FGF12: variants seen among roughly 807,000 people sequenced by gnomAD.
FGF12 encodes the protein fibroblast growth factor 12, also known as fibroblast growth factor 12B.
Under a neutral mutation model 23.6 loss-of-function variants are expected in FGF12, and 14 were observed. The observed-to-expected ratio is 0.59, with a 90% CI of 0.39 to 0.93. The LOEUF (loss-of-function observed/expected upper bound fraction) is 0.93, where lower values mean the gene tolerates loss of function less well. Ranked by LOEUF, FGF12 falls within the 40% of genes least tolerant of loss-of-function variation. The probability of loss-of-function intolerance (pLI) is 0.00; values close to 1 mark genes in which losing one functional copy is unlikely to be tolerated. For missense variants in FGF12, 175 were observed against 217.8 expected, an observed-to-expected ratio of 0.80 and a Z score of 1.24; for synonymous variants, 62 against 77.3, an observed-to-expected ratio of 0.80 and a Z score of 1.04.
chr3:192,513,018 A>G (rs1724538490), intron 2 of FGF12, among the ~76,000 whole-genome samples: 1 of 151,480 alleles, frequency 6.6e-6, no homozygotes, highest in Non-Finnish European at 1.5e-5. Context: ...ATTTGGATCT[A>G]TCGCTATTTA....
intron 2 of FGF12, among the ~76,000 whole-genome samples, chr3:192,375,439 A>C (rs1379113653): frequency 6.6e-6 from 1 of 152,190 alleles, no homozygotes; most frequent in Non-Finnish European, 1.5e-5. Flanking sequence ...CATATCTAAC[A>C]TAAAGGTGTA....
intron 4 of FGF12, among the ~76,000 whole-genome samples, chr3:192,316,442 C>T (rs372804681): frequency 6.6e-6 from 1 of 152,150 alleles, no homozygotes; most frequent in Non-Finnish European, 1.5e-5. Context: ...GGAGACAGAA[C>T]CTGTGTGTTT....
rs1713321168 is a variant in FGF12 at position 192,140,705 on chromosome 3, G to A, written c.*3304C>T. On this transcript the variant is annotated 3_prime_UTR_variant, in exon 6 of 6. Transcript: ENST00000445105. ...AAACAAGCTTTCTGAATTAGAATGAGGCCCATAAAGCATCACATTGCATTA... is the reference window on the plus strand; with the variant it reads ...AAACAAGCTTTCTGAATTAGAATGAAGCCCATAAAGCATCACATTGCATTA... 1 of 151,884 alleles carries A rather than the reference G, an allele frequency of 6.6e-6. No homozygotes were observed. The highest frequency in any genetic ancestry group is 6.6e-5 in the Admixed American group (1 of 15,252). 9.4% of individuals were successfully genotyped at this position (151,884 alleles called of 1,614,324 possible).
chr3:192,648,350 C>T (rs746432554), intron 2 of FGF12, among the ~76,000 whole-genome samples: 7 of 151,892 alleles, frequency 4.6e-5, no homozygotes, highest in Non-Finnish European at 8.8e-5. Flanking sequence ...TGATTTTTGT[C>T]ATTGTTTTTT....
chr3:192,511,079 AG>A (rs927156673), intron 2 of FGF12, among the ~76,000 whole-genome samples: 11 of 152,248 alleles, frequency 7.2e-5, no homozygotes, highest in East Asian at 3.9e-4. Flanking sequence ...CTCAGTCTCT[AG>A]GCATCTGATA....
At chr3:192,263,757 A>T (rs1157294049) in intron 4 of FGF12, among the ~76,000 whole-genome samples, 1 of 152,084 alleles carries the variant, frequency 6.6e-6, no homozygotes, top group East Asian at 1.9e-4. Flanking sequence ...ATTAAATCAG[A>T]GGAAATAAAC....
intron 2 of FGF12, among the ~76,000 whole-genome samples, chr3:192,444,802 C>A (rs1347338232): frequency 1.3e-5 from 2 of 152,228 alleles, no homozygotes; most frequent in African/African-American, 4.8e-5. Flanking sequence ...ATGGCTTGAA[C>A]ACCTTCCAGT....
chr3:192,242,517 A>T (rs1344115232), intron 4 of FGF12, among the ~76,000 whole-genome samples: 1 of 152,192 alleles, frequency 6.6e-6, no homozygotes, highest in Admixed American at 6.5e-5. Flanking sequence ...CAAACACCCA[A>T]TATAAGAAAT....
chr3:192,387,200 C>A (rs976636051), intron 2 of FGF12, among the ~76,000 whole-genome samples: 1 of 152,170 alleles, frequency 6.6e-6, no homozygotes, highest in Admixed American at 6.5e-5. Flanking sequence ...CATCTGGGAA[C>A]ACCCTACTGA....
At chr3:192,295,209 T>C (rs1714964746) in intron 4 of FGF12, among the ~76,000 whole-genome samples, 1 of 152,210 alleles carries the variant, frequency 6.6e-6, no homozygotes, top group South Asian at 2.1e-4. Context: ...TGGCAATACA[T>C]TGTACTTTTT....
intron 2 of FGF12, among the ~76,000 whole-genome samples, chr3:192,569,421 CTA>C (rs1178519295): frequency 6.6e-6 from 1 of 152,188 alleles, no homozygotes; most frequent in Non-Finnish European, 1.5e-5. Context: ...CCTCGTATTC[CTA>C]TGTTTTCACA....
chr3:192,617,707 G>A (rs750245510), intron 2 of FGF12, among the ~76,000 whole-genome samples: 11 of 152,092 alleles, frequency 7.2e-5, no homozygotes, highest in East Asian at 3.9e-4. Flanking sequence ...GAGCTATCAC[G>A]TAATTTTGAT....
intron 4 of FGF12, among the ~76,000 whole-genome samples, chr3:192,198,535 G>A (rs1717199679): frequency 6.6e-6 from 1 of 152,136 alleles, no homozygotes; most frequent in Non-Finnish European, 1.5e-5. Context: ...GGTGAGAGAA[G>A]GAAGGCAGCA....
chr3:192,260,234 C>T (rs965479542), intron 4 of FGF12, among the ~76,000 whole-genome samples: 3 of 152,082 alleles, frequency 2.0e-5, no homozygotes, highest in African/African-American at 7.2e-5. Flanking sequence ...GTAGTTTAGG[C>T]AAGTGTATAT....
chr3:192,417,806 C>G (rs1312453376), intron 2 of FGF12, among the ~76,000 whole-genome samples: 1 of 151,984 alleles, frequency 6.6e-6, no homozygotes, highest in Non-Finnish European at 1.5e-5. Flanking sequence ...CCACACCACT[C>G]TAGGGAAGGG....
At chr3:192,291,952 G>C (rs1381904699) in intron 4 of FGF12, among the ~76,000 whole-genome samples, 1 of 152,138 alleles carries the variant, frequency 6.6e-6, no homozygotes, top group Non-Finnish European at 1.5e-5. Flanking sequence ...ATTGGCATTG[G>C]GATCATGCAG....
intron 2 of FGF12, among the ~76,000 whole-genome samples, chr3:192,416,272 G>T (rs142322616): frequency 6.6e-6 from 1 of 152,064 alleles, no homozygotes; most frequent in Admixed American, 6.6e-5. Flanking sequence ...TTTGGACAAG[G>T]TGACCAATAG....
chr3:192,560,986 T>C (rs1711995045), intron 2 of FGF12, among the ~76,000 whole-genome samples: 1 of 152,176 alleles, frequency 6.6e-6, no homozygotes, highest in African/African-American at 2.4e-5. Flanking sequence ...AATAAAGTAT[T>C]GACTCATGCT....
In FGF12 at chr3:192,514,873, G is replaced by C. The variant is rs1724613045; in HGVS notation, c.14-154335C>G. The stretch of plus-strand genomic sequence containing the variant: ...CGAGTCCATCGCGCGCGCCCAGGTG[G>C]AGGGGAGTTTGCACATGGAGCCGGA... On this transcript the variant is annotated intron_variant, in intron 2 of 5. Transcript: ENST00000445105. This position sits in a 1 kb window ranked among gnomAD's most constrained non-coding sequence, Gnocchi z 4.9. 1.0e-6 allele frequency: 1 copy of C among 985,288 alleles called. No individual in the cohort carries two copies. Among genetic ancestry groups the C allele is most frequent in the Non-Finnish European group, 1.2e-6 (1 of 829,968 alleles). The allele number at this position is 985,288 out of a possible 1,614,324, so 61.0% of individuals were successfully genotyped here.
Sources: gnomAD v4.1 joint callset for allele counts (sites outside exome capture counted in the v4.1 genomes callset) on GRCh38, gnomAD v4.1.1 for gene constraint, Gnocchi (gnomAD v3.1) non-coding constraint, MANE v1.5 for transcripts, NCBI Gene and HGNC (gene_info 2026-07-23, HGNC 2026-07-21) for gene names.